MRPS9: variants seen among roughly 807,000 people sequenced by gnomAD.
The protein encoded by MRPS9 is small ribosomal subunit protein uS9m.
Under a neutral mutation model 59.9 loss-of-function variants are expected in MRPS9, and 45 were observed. The ratio of observed to expected loss-of-function variants is 0.75; its 90% CI spans 0.59 to 0.96. The LOEUF (loss-of-function observed/expected upper bound fraction) is 0.96, where lower values mean the gene tolerates loss of function less well. Among genes scored for constraint, MRPS9 ranks in the 40% least tolerant of loss-of-function variants. The pLI, the probability that MRPS9 is intolerant of heterozygous loss-of-function variation, is 0.00. For missense variants in MRPS9, 473 were observed against 481.1 expected (o/e 0.98, Z 0.16); for synonymous variants, 171 against 166.8 (o/e 1.03, Z -0.19).
chr2:105,056,586 G>A lies in MRPS9; in HGVS notation c.315+7236G>A, dbSNP rs140814170. ...TAAAAGCCATTGGACTCTGAATGAG[G>A]CCCTACGTGCCCCTCCTAGTAAGTA... On this transcript the variant is annotated intron_variant, in intron 2 of 10. Transcript: ENST00000258455. Among the ~76,000 whole-genome samples the A allele has an allele frequency of 4.3e-3, 655 of 152,300 alleles. 6 individuals are homozygous for A. Among genetic ancestry groups the A allele is most frequent in the African/African-American group, 0.015 (628 of 41,548 alleles).
At chr2:105,081,301 G>A (rs1248309007) in intron 5 of MRPS9, among the ~76,000 whole-genome samples, 1 of 152,234 alleles carries the variant, frequency 6.6e-6, no homozygotes, top group Non-Finnish European at 1.5e-5. Context: ...GACGCGCTAG[G>A]CCTGTCAACT....
At chr2:105,057,370 T>TTAC (rs1679812680) in intron 2 of MRPS9, among the ~76,000 whole-genome samples, 1 of 152,184 alleles carries the variant, frequency 6.6e-6, no homozygotes, top group Non-Finnish European at 1.5e-5. Flanking sequence ...CTGCCAAATG[T>TTAC]TGATCAGTGT....
intron 2 of MRPS9, among the ~76,000 whole-genome samples, chr2:105,070,725 A>G (rs1680096794): frequency 6.6e-6 from 1 of 152,174 alleles, no homozygotes; most frequent in African/African-American, 2.4e-5. Context: ...TGCCGACTGG[A>G]AAAAAGCCAG....
chr2:105,067,750 G>GTGTGTA, intron 2 of MRPS9, among the ~76,000 whole-genome samples: 1 of 152,288 alleles, frequency 6.6e-6, no homozygotes, highest in East Asian at 1.9e-4. Context: ...GTGTGTGTGT[G>GTGTGTA]TGTGTATGTG....
chr2:105,092,489 G>A lies in MRPS9; in HGVS notation c.740G>A (p.Ser247Asn), dbSNP rs748972416. 3.1e-6 allele frequency: 5 copies of A among 1,613,994 alleles called. No individual in the cohort carries two copies. The highest frequency in any genetic ancestry group is 1.1e-5 in the South Asian group (1 of 91,056). Residue 247 changes from serine (S) to asparagine (N), a missense_variant, in exon 8 of 11, where the codon AGT (serine) becomes AAT (asparagine). Coordinates refer to ENST00000258455, the MANE Select transcript of MRPS9 (RefSeq NM_182640.3). The stretch of plus-strand genomic sequence containing the variant: ...GAATTTGTGCAGAGGTTTCGAAGAA[G>A]TGTAACTCTTGAATCAAAAAAACAG... ...EEEFVQRFRR[S>N]VTLESKKQLI...
intron 6 of MRPS9, 108 bp downstream of exon 6, chr2:105,089,177 C>CAGCATTA (rs1226616643): frequency 4.2e-6 from 3 of 708,698 alleles, no homozygotes; most frequent in Non-Finnish European, 7.0e-6. Flanking sequence ...TTCAGTATTT[C>CAGCATTA]AGCATTAAGC....
intron 5 of MRPS9, among the ~76,000 whole-genome samples, chr2:105,087,794 G>T (rs151102447): frequency 1.6e-4 from 13 of 83,576 alleles, no homozygotes; most frequent in African/African-American, 3.1e-4. Context: ...CCTCCCTCCT[G>T]CCTTTTTTCC....
At chr2:105,083,360 G>A (rs1212553779) in intron 5 of MRPS9, among the ~76,000 whole-genome samples, 1 of 152,084 alleles carries the variant, frequency 6.6e-6, no homozygotes, top group South Asian at 2.1e-4. Flanking sequence ...CCCCACCAGG[G>A]TTACCTCCTT....
intron 8 of MRPS9, among the ~76,000 whole-genome samples, chr2:105,092,781 A>T (rs1027933358): frequency 6.6e-6 from 1 of 152,220 alleles, no homozygotes; most frequent in Admixed American, 6.5e-5. Context: ...ATGCATACCT[A>T]TACAGTCATA....
intron 2 of MRPS9, among the ~76,000 whole-genome samples, chr2:105,062,393 C>A (rs1300301240): frequency 1.3e-5 from 2 of 152,188 alleles, no homozygotes; most frequent in African/African-American, 4.8e-5. Flanking sequence ...TACTGAGTTA[C>A]CCGTCCAAGC....
intron 2 of MRPS9, among the ~76,000 whole-genome samples, chr2:105,056,190 CTTT>C (rs34661850): frequency 7.9e-4 from 107 of 135,642 alleles, no homozygotes; most frequent in Middle Eastern, 3.8e-3. Flanking sequence ...GGATAGGTAT[CTTT>C]TTTTTTTTTT....
chr2:105,095,487 A>ATTTTTTTT (rs138410859), intron 9 of MRPS9, among the ~76,000 whole-genome samples: 1 of 140,112 alleles, frequency 7.1e-6, no homozygotes, highest in Non-Finnish European at 1.5e-5. Context: ...CAGTCTGTAC[A>ATTTTTTTT]TTTTTTTTTT....
intron 9 of MRPS9, among the ~76,000 whole-genome samples, chr2:105,094,012 A>G (rs888894512): frequency 3.3e-5 from 5 of 152,170 alleles, no homozygotes; most frequent in African/African-American, 1.2e-4. Flanking sequence ...CACCACCACA[A>G]CAACCAGCCT....
intron 1 of MRPS9, among the ~76,000 whole-genome samples, chr2:105,043,185 T>G (rs1679530986): frequency 6.6e-6 from 1 of 152,234 alleles, no homozygotes; most frequent in Non-Finnish European, 1.5e-5. Flanking sequence ...GTTGGTTTAT[T>G]TTAATTGGGA....
intron 4 of MRPS9, among the ~76,000 whole-genome samples, chr2:105,073,689 C>G (rs889051221): frequency 6.6e-6 from 1 of 152,078 alleles, no homozygotes; most frequent in Non-Finnish European, 1.5e-5. Context: ...ACTACTGGGT[C>G]AACAGGAGCA....
Position 105,093,639 on chromosome 2 carries a change from G to T in MRPS9, c.929+1G>T, listed in dbSNP as rs756905347. On this transcript the variant is annotated splice_donor_variant, in intron 9 of 10. Transcript: ENST00000258455. LOFTEE classifies it high-confidence loss of function. ...TTTACTTCCCGATCACACAGGACAG[G>T]TTCGTTTTGGGTTCTGATTTTTTGT... The T allele has an allele frequency of 3.9e-6, 6 of 1,556,216 alleles. No individual in the cohort carries two copies. Among genetic ancestry groups the T allele is most frequent in the Non-Finnish European group, 5.2e-6 (6 of 1,145,274 alleles).
chr2:105,071,570 A>C (rs1680114149), intron 4 of MRPS9, 81 bp downstream of exon 4: 7 of 1,388,064 alleles, frequency 5.0e-6, no homozygotes, highest in Non-Finnish European at 7.0e-6. Context: ...GGTTGCTCAC[A>C]TATCGTAGGG....
intron 2 of MRPS9, among the ~76,000 whole-genome samples, chr2:105,054,514 T>A (rs1679766493): frequency 6.6e-6 from 1 of 152,274 alleles, no homozygotes; most frequent in Non-Finnish European, 1.5e-5. Context: ...TCTGCTGTGC[T>A]AGACTTTGCT....
intron 1 of MRPS9, among the ~76,000 whole-genome samples, chr2:105,048,073 T>C (rs1679626138): frequency 6.6e-6 from 1 of 152,014 alleles, no homozygotes; most frequent in Non-Finnish European, 1.5e-5. Context: ...GCGGCACTAT[T>C]CACAATAGCA....
Sources: gnomAD v4.1 joint callset for allele counts (sites outside exome capture counted in the v4.1 genomes callset) on GRCh38, gnomAD v4.1.1 for gene constraint, MANE v1.5 for transcripts, NCBI Gene and HGNC (gene_info 2026-07-23, HGNC 2026-07-21) for gene names.